Variants in FBXL17 observed in about 807,000 individuals in gnomAD.
FBXL17 encodes F-box and leucine rich repeat protein 17, also known as F-box/LRR-repeat protein 17.
In FBXL17, 22 loss-of-function variants were observed where a neutral mutation model predicts 66.2. That is an observed-to-expected ratio of 0.33 (90% CI 0.24 to 0.47). The LOEUF is 0.47. FBXL17 is among the 20% of genes least tolerant of loss of function. FBXL17 has a pLI of 1.00. For synonymous variants in FBXL17, 474 were observed against 400.5 expected, an observed-to-expected ratio of 1.18 and a Z score of -2.19; for missense variants, 878 against 948.2, an observed-to-expected ratio of 0.93 and a Z score of 0.97.
chr5:108,181,888 T>C (rs1336230268), intron 6 of FBXL17, among the ~76,000 whole-genome samples: 3 of 151,866 alleles, frequency 2.0e-5, no homozygotes, highest in Non-Finnish European at 4.4e-5. Context: ...TTGTTTAGAG[T>C]TTTTACTGCA....
At chr5:107,983,945 AAAAATAATTGACG>A (rs1360182994) in intron 7 of FBXL17, among the ~76,000 whole-genome samples, 1 of 152,206 alleles carries the variant, frequency 6.6e-6, no homozygotes, top group Non-Finnish European at 1.5e-5. Flanking sequence ...TGCAGTGAAG[AAAAATAATTGACG>A]CCCAGAAAAC....
chr5:108,278,114 A>G (rs889155746), intron 4 of FBXL17, among the ~76,000 whole-genome samples: 3 of 152,280 alleles, frequency 2.0e-5, no homozygotes, highest in Middle Eastern at 6.8e-3. Context: ...TATCCCCAGT[A>G]TGGGAGAGGG....
At chr5:108,019,806 T>C (rs1580337041) in intron 7 of FBXL17, among the ~76,000 whole-genome samples, 1 of 151,520 alleles carries the variant, frequency 6.6e-6, no homozygotes, top group East Asian at 1.9e-4. Flanking sequence ...ACAAACAACG[T>C]AAGTAAAGAA....
At chr5:108,372,824 T>C (rs1749132656) in intron 1 of FBXL17, among the ~76,000 whole-genome samples, 1 of 152,180 alleles carries the variant, frequency 6.6e-6, no homozygotes, top group Admixed American at 6.5e-5. Flanking sequence ...TAAAATCACA[T>C]ATGAACTAAA....
chr5:108,293,926 A>G (rs1758227106), intron 4 of FBXL17, among the ~76,000 whole-genome samples: 1 of 151,046 alleles, frequency 6.6e-6, no homozygotes, highest in Admixed American at 6.6e-5. Context: ...CTGTAATTCC[A>G]GCTACTTGGG....
At chr5:108,155,816 AATCC>A (rs1465195222) in intron 6 of FBXL17, among the ~76,000 whole-genome samples, 1 of 152,212 alleles carries the variant, frequency 6.6e-6, no homozygotes, top group Non-Finnish European at 1.5e-5. Flanking sequence ...TTCCTTAAGG[AATCC>A]ATCTTGCAAT....
chr5:107,958,937 T>C (rs866298897), intron 7 of FBXL17, among the ~76,000 whole-genome samples: 1 of 152,200 alleles, frequency 6.6e-6, no homozygotes, highest in South Asian at 2.1e-4. Context: ...TTCTGGCATA[T>C]TAGAGTTTAA....
intron 4 of FBXL17, among the ~76,000 whole-genome samples, chr5:108,338,972 G>T (rs1413067523): frequency 3.3e-5 from 5 of 152,086 alleles, no homozygotes; most frequent in African/African-American, 4.8e-5. Context: ...TGAAGACAGG[G>T]TTACCTGACA....
chr5:108,345,712 A>G (rs776442165), intron 4 of FBXL17, among the ~76,000 whole-genome samples: 4 of 152,054 alleles, frequency 2.6e-5, no homozygotes, highest in Non-Finnish European at 4.4e-5. Context: ...CCTTATAGTT[A>G]CATCAAGGAC....
At chr5:108,093,461 A>T (rs1295222492) in intron 6 of FBXL17, among the ~76,000 whole-genome samples, 1 of 152,182 alleles carries the variant, frequency 6.6e-6, no homozygotes, top group Non-Finnish European at 1.5e-5. Flanking sequence ...TGGAGCATTA[A>T]AACGATTACT....
At chr5:108,257,851 G>A (rs143879830) in intron 4 of FBXL17, among the ~76,000 whole-genome samples, 47 of 152,226 alleles carry the variant, frequency 3.1e-4, no homozygotes, top group Admixed American at 6.5e-4. Flanking sequence ...TACCTGGACC[G>A]AGGAACTAAG....
At chr5:108,240,823 G>A in intron 4 of FBXL17, among the ~76,000 whole-genome samples, 1 of 152,290 alleles carries the variant, frequency 6.6e-6, no homozygotes, top group East Asian at 1.9e-4. Context: ...CAGGGTGCTT[G>A]TGTCACCCCT....
At chr5:107,894,086 T>C (rs531880001) in intron 7 of FBXL17, among the ~76,000 whole-genome samples, 1 of 152,304 alleles carries the variant, frequency 6.6e-6, no homozygotes, top group African/African-American at 2.4e-5. Flanking sequence ...TTTCTAATTA[T>C]AGCTGGGACA....
At chr5:108,380,222 A>G (rs1749745666) in intron 1 of FBXL17, among the ~76,000 whole-genome samples, 1 of 152,236 alleles carries the variant, frequency 6.6e-6, no homozygotes, top group Non-Finnish European at 1.5e-5. Context: ...TAAATGGGAT[A>G]TTATATATAT....
At chr5:108,313,538 T>C (rs1290512174) in intron 4 of FBXL17, among the ~76,000 whole-genome samples, 1 of 152,058 alleles carries the variant, frequency 6.6e-6, no homozygotes, top group Non-Finnish European at 1.5e-5. Context: ...AGTAGCTATA[T>C]TAAACTATTC....
At chr5:108,146,294 A>G (rs1751557677) in intron 6 of FBXL17, among the ~76,000 whole-genome samples, 1 of 151,238 alleles carries the variant, frequency 6.6e-6, no homozygotes, top group African/African-American at 2.4e-5. Context: ...ATTAATTTTC[A>G]CCACTTTGGT....
chr5:108,087,921 T>C (rs1362282978), intron 6 of FBXL17, among the ~76,000 whole-genome samples: 3 of 152,240 alleles, frequency 2.0e-5, no homozygotes, highest in African/African-American at 7.2e-5. Flanking sequence ...GTATTTCTCA[T>C]GAGTCACCAG....
intron 4 of FBXL17, among the ~76,000 whole-genome samples, chr5:108,234,116 C>CA (rs1755490333): frequency 6.6e-6 from 1 of 152,084 alleles, no homozygotes; most frequent in East Asian, 1.9e-4. Flanking sequence ...AAAGAGAAGA[C>CA]AGGCAGTACA....
intron 7 of FBXL17, among the ~76,000 whole-genome samples, chr5:107,907,264 C>G (rs1202085819): frequency 6.6e-6 from 1 of 152,110 alleles, no homozygotes; most frequent in East Asian, 1.9e-4. Flanking sequence ...AAGGCAGTGA[C>G]AATGATCTAA....
Sources: gnomAD v4.1 joint callset for allele counts (sites outside exome capture counted in the v4.1 genomes callset) on GRCh38, gnomAD v4.1.1 for gene constraint, MANE v1.5 for transcripts, NCBI Gene and HGNC (gene_info 2026-07-23, HGNC 2026-07-21) for gene names.